WNT5B: variants seen among roughly 807,000 people sequenced by gnomAD.
The protein encoded by WNT5B is Wnt family member 5B.
In WNT5B, 18 loss-of-function variants were observed where a neutral mutation model predicts 36.5. The ratio of observed to expected loss-of-function variants is 0.49; its 90% CI spans 0.34 to 0.73. The LOEUF is 0.73. Ranked by LOEUF, WNT5B falls within the 30% of genes least tolerant of loss-of-function variation. The probability of loss-of-function intolerance (pLI) is 0.01; values close to 1 mark genes in which losing one functional copy is unlikely to be tolerated. For synonymous variants in WNT5B, 213 were observed against 212.3 expected (o/e 1.00, Z -0.03); for missense variants, 424 against 508.4 (o/e 0.83, Z 1.60).
intron 1 of WNT5B, among the ~76,000 whole-genome samples, chr12:1,620,884 G>A (rs12828892): frequency 0.76 from 107,933 of 141,898 alleles, 41,636 homozygotes; most frequent in African/African-American, 0.84. Context: ...TTCTATTATT[G>A]GTAGAGACAG....
At chr12:1,645,404 G>A (rs1012124412) in intron 4 of WNT5B, among the ~76,000 whole-genome samples, 1 of 152,144 alleles carries the variant, frequency 6.6e-6, no homozygotes, top group East Asian at 1.9e-4. Flanking sequence ...GTGCCTGGCT[G>A]TATTTTGTTG....
At chr12:1,619,672 G>A (rs2094531247) in intron 1 of WNT5B, among the ~76,000 whole-genome samples, 1 of 152,282 alleles carries the variant, frequency 6.6e-6, no homozygotes, top group African/African-American at 2.4e-5. Flanking sequence ...GTGAGACAGA[G>A]GGTGATTTTG....
At chr12:1,635,877 G>A (rs1222672552) in intron 3 of WNT5B, among the ~76,000 whole-genome samples, 1 of 152,142 alleles carries the variant, frequency 6.6e-6, no homozygotes, top group Non-Finnish European at 1.5e-5. Flanking sequence ...TTTCACAACT[G>A]ACCAGAAGCC....
intron 1 of WNT5B, among the ~76,000 whole-genome samples, chr12:1,619,140 C>T (rs1487684178): frequency 6.7e-6 from 1 of 149,964 alleles, no homozygotes; most frequent in African/African-American, 2.5e-5. Flanking sequence ...CCCCTCCCCA[C>T]CCCTAAGACA....
At chr12:1,620,313 G>A (rs2094532099) in intron 1 of WNT5B, among the ~76,000 whole-genome samples, 1 of 152,158 alleles carries the variant, frequency 6.6e-6, no homozygotes, top group East Asian at 1.9e-4. Context: ...AGATAGTTTT[G>A]CTATGAATGG....
rs1202815996 is a variant in WNT5B, at chr12:1,646,225, G to A, written c.1053G>A (p.Glu351=). The A allele has an allele frequency of 1.2e-6, 2 of 1,613,166 alleles. No homozygotes were observed. The highest frequency in any genetic ancestry group is 2.7e-5 in the African/African-American group (2 of 74,942). Reference sequence around the variant, plus strand: ...TCGTCAGGTGTAAGAAGTGCACGGAGATCGTGGACCAGTACATCTGTAAAT... The same window carrying A: ...TCGTCAGGTGTAAGAAGTGCACGGAAATCGTGGACCAGTACATCTGTAAAT... ...CCFVRCKKCT[E]IVDQYICK The change falls in exon 5 of 5, where the codon GAG becomes GAA. Residue 351 remains glutamate, a synonymous_variant. Transcript: ENST00000397196.
rs538195467 is a variant in WNT5B, at chr12:1,632,568, A to G, written c.81-90A>G. Reference sequence around the variant, plus strand: ...GGCCTTGTACACAGGGACGCATTCAATAAATGTGTTGAATGAATGACTTAA... The same window carrying G: ...GGCCTTGTACACAGGGACGCATTCAGTAAATGTGTTGAATGAATGACTTAA... On this transcript the variant is annotated intron_variant, in intron 2 of 4. Transcript: ENST00000397196. This position sits in a 1 kb window ranked among gnomAD's most constrained non-coding sequence, Gnocchi z 5.8. The G allele has an allele frequency of 9.3e-6, 14 of 1,503,500 alleles. No homozygotes were observed. Among genetic ancestry groups the G allele is most frequent in the Non-Finnish European group, 1.3e-5 (14 of 1,119,234 alleles). The allele number at this position is 1,503,500 out of a possible 1,614,324, so 93.1% of individuals were successfully genotyped here.
chr12:1,634,883 T>C (rs982128612), intron 3 of WNT5B, among the ~76,000 whole-genome samples: 4 of 152,206 alleles, frequency 2.6e-5, no homozygotes, highest in African/African-American at 9.6e-5. Context: ...AGAGAGGGCA[T>C]GAAATTGTTC....
chr12:1,623,775 G>A (rs948668734), intron 1 of WNT5B, among the ~76,000 whole-genome samples: 2 of 152,112 alleles, frequency 1.3e-5, no homozygotes, highest in African/African-American at 4.8e-5. Flanking sequence ...CACCCTTCCA[G>A]ACCCATAGCT....
upstream of WNT5B, among the ~76,000 whole-genome samples, chr12:1,628,788 C>T (rs984887559): frequency 5.3e-5 from 8 of 151,282 alleles, no homozygotes; most frequent in African/African-American, 1.7e-4. Context: ...CTCCTCCCAC[C>T]CCAGCCCACC....
intron 1 of WNT5B, among the ~76,000 whole-genome samples, chr12:1,621,772 TGGCCTCGAGTGATCCTCCCATCCC>T (rs375244261): frequency 5.3e-5 from 8 of 150,940 alleles, no homozygotes; most frequent in African/African-American, 1.9e-4. Flanking sequence ...CTCAAACTCC[TGGCCTCGAGTGATCCTCCCATCCC>T]GGCCTCCCAA....
In WNT5B at chr12:1,630,007, A is replaced by C. The variant is rs999661751; in HGVS notation, c.-58+636A>C. On this transcript the variant is annotated intron_variant, in intron 1 of 4. Coordinates refer to ENST00000397196, the MANE Select transcript of WNT5B (RefSeq NM_032642.3). The surrounding 1 kb of genome is among the most constrained non-coding windows in gnomAD (Gnocchi z 5.3). ...CCTGTTGGTGCCCCCGCCCCAGCCG[A>C]GGCTTCGAGAAGGAAAATCAAAAGG... 3.6e-5 allele frequency: 20 copies of C among 558,016 alleles called. No individual in the cohort carries two copies. Among genetic ancestry groups the C allele is most frequent in the Non-Finnish European group, 4.3e-5 (19 of 438,690 alleles). The allele number at this position is 558,016 out of a possible 1,614,324, so 34.6% of individuals were successfully genotyped here.
intron 3 of WNT5B, among the ~76,000 whole-genome samples, chr12:1,635,804 C>T (rs1025933547): frequency 2.0e-5 from 3 of 152,264 alleles, no homozygotes; most frequent in Non-Finnish European, 4.4e-5. Flanking sequence ...AGACCGGGTC[C>T]TGTCGGCTGA....
intron 3 of WNT5B, 78 bp from the exon 4 acceptor site, chr12:1,639,606 G>A (rs543208410): frequency 1.6e-5 from 22 of 1,418,486 alleles, no homozygotes; most frequent in Non-Finnish European, 2.0e-5. Flanking sequence ...GTGCGGGTCC[G>A]TCGGGGGAGA....
chr12:1,633,359 G>A lies in WNT5B; in HGVS notation c.328+454G>A, dbSNP rs2094554657. Among the ~76,000 whole-genome samples the A allele has an allele frequency of 6.6e-6, 1 of 152,164 alleles. No individual in the cohort carries two copies. Among genetic ancestry groups the A allele is most frequent in the African/African-American group, 2.4e-5 (1 of 41,444 alleles). ...CTTCCACTTCAACCTTTGACAGAGA[G>A]ATAGAAATGTCGGCCAAAGTGTTGA... is the stretch of plus-strand genomic sequence containing the variant. On this transcript the variant is annotated intron_variant, in intron 3 of 4. Transcript: ENST00000397196. The surrounding 1 kb of genome is among the most constrained non-coding windows in gnomAD (Gnocchi z 4.8).
rs377706466 is a variant in WNT5B at position 1,639,043 on chromosome 12, G to A, written c.329-641G>A. Reference sequence around the variant, plus strand: ...TTTCTGAATGCCTATTCTCCCCTCCGCTGAGGTCTCCCGCCTAGGAATCTG... The same window carrying A: ...TTTCTGAATGCCTATTCTCCCCTCCACTGAGGTCTCCCGCCTAGGAATCTG... On this transcript the variant is annotated intron_variant, in intron 3 of 4. Coordinates refer to ENST00000397196, the MANE Select transcript of WNT5B (RefSeq NM_032642.3). Among the ~76,000 whole-genome samples the A allele has an allele frequency of 1.6e-4, 25 of 152,222 alleles. No individual in the cohort carries two copies. The South Asian group carries it at 5.2e-3, about 32-fold the overall frequency.
Position 1,630,147 on chromosome 12 carries a change from GCCCC to G in WNT5B, c.-58+778_-58+781del, listed in dbSNP as rs1221067297. On this transcript the variant is annotated intron_variant, in intron 1 of 4. Transcript: ENST00000397196. This position sits in a 1 kb window ranked among gnomAD's most constrained non-coding sequence, Gnocchi z 5.3. ...GGGCTGATGACCCGAAGCACCCGCC[GCCCC>G]CTCCCGGGGAGCCTGGGGACGCCGA... 1.0e-6 allele frequency: 1 copy of G among 985,446 alleles called. No homozygotes were observed. 61.0% of individuals were successfully genotyped at this position (985,446 alleles called of 1,614,324 possible).
intron 1 of WNT5B, chr12:1,629,961 C>CCT (rs2094547186): frequency 5.3e-6 from 1 of 189,580 alleles, no homozygotes; most frequent in South Asian, 1.8e-4. Context: ...TGATCTGCCC[C>CCT]CTGCCGGCCC....
intron 4 of WNT5B, among the ~76,000 whole-genome samples, chr12:1,643,433 C>T (rs1051919179): frequency 1.3e-4 from 20 of 151,810 alleles, no homozygotes; most frequent in African/African-American, 4.4e-4. Context: ...GGCGCGATCT[C>T]GGCTCACTGC....
Sources: allele counts gnomAD v4.1 joint callset (sites outside exome capture counted in the v4.1 genomes callset), GRCh38; gene constraint gnomAD v4.1.1; non-coding constraint Gnocchi (gnomAD v3.1); transcripts MANE v1.5; gene names NCBI Gene and HGNC (gene_info 2026-07-23, HGNC 2026-07-21).